The following GPC5 variants were observed in gnomAD, a reference collection of about 807,000 sequenced individuals.
The protein encoded by GPC5 is glypican-5.
GPC5 carries 47 observed loss-of-function variants against 53.9 expected under a neutral mutation model. The observed-to-expected ratio is 0.87, with a 90% CI of 0.69 to 1.11. The LOEUF (loss-of-function observed/expected upper bound fraction) is 1.11, where lower values mean the gene tolerates loss of function less well. Ranked by LOEUF, GPC5 falls within the 50% of genes most tolerant of loss-of-function variation. The probability of loss-of-function intolerance (pLI) is 0.00; values close to 1 mark genes in which losing one functional copy is unlikely to be tolerated. For synonymous variants in GPC5, 286 were observed against 263.3 expected (o/e 1.09, Z -0.84); for missense variants, 748 against 713.1 (o/e 1.05, Z -0.56).
intron 7 of GPC5, among the ~76,000 whole-genome samples, chr13:92,150,850 C>T (rs557562178): frequency 6.8e-6 from 1 of 148,142 alleles, no homozygotes; most frequent in African/African-American, 2.5e-5. Flanking sequence ...CTTTTTTGAA[C>T]AACACAATGC....
chr13:91,996,977 T>C (rs1275135193), intron 6 of GPC5, among the ~76,000 whole-genome samples: 1 of 152,054 alleles, frequency 6.6e-6, no homozygotes. Context: ...AACATTATTG[T>C]AAGTATCTTA....
chr13:91,561,029 C>T (rs1287431253), intron 2 of GPC5, among the ~76,000 whole-genome samples: 1 of 152,042 alleles, frequency 6.6e-6, no homozygotes, highest in Non-Finnish European at 1.5e-5. Context: ...TAGGAAATAC[C>T]CAGTGCTTTT....
chr13:92,657,253 T>G (rs912678127), intron 7 of GPC5, among the ~76,000 whole-genome samples: 2 of 152,032 alleles, frequency 1.3e-5, no homozygotes, highest in African/African-American at 4.8e-5. Flanking sequence ...TATATTTAAA[T>G]AAAAAGAAAA....
intron 5 of GPC5, among the ~76,000 whole-genome samples, chr13:91,848,974 A>G (rs758703696): frequency 6.6e-6 from 1 of 152,166 alleles, no homozygotes; most frequent in Non-Finnish European, 1.5e-5. Context: ...CTTGAATCCC[A>G]GAATGCTTAA....
intron 7 of GPC5, among the ~76,000 whole-genome samples, chr13:92,554,676 G>T (rs1882433063): frequency 6.6e-6 from 1 of 150,488 alleles, no homozygotes; most frequent in Admixed American, 6.6e-5. Context: ...TATGAGGAAA[G>T]AGAAAAACTA....
intron 6 of GPC5, among the ~76,000 whole-genome samples, chr13:92,121,382 C>G (rs117195354): frequency 6.6e-6 from 1 of 152,300 alleles, no homozygotes; most frequent in South Asian, 2.1e-4. Context: ...AGAAGTCACA[C>G]AAACAATTGC....
At chr13:92,194,952 T>C (rs1472425156) in intron 7 of GPC5, among the ~76,000 whole-genome samples, 6 of 152,206 alleles carry the variant, frequency 3.9e-5, no homozygotes, top group African/African-American at 1.4e-4. Context: ...GTAATTATCA[T>C]TGGAAATTCT....
At chr13:92,419,742 T>C (rs1002264492) in intron 7 of GPC5, among the ~76,000 whole-genome samples, 2 of 152,128 alleles carry the variant, frequency 1.3e-5, no homozygotes, top group Admixed American at 6.5e-5. Context: ...CACCAATAAC[T>C]CAAAGGGAAA....
chr13:92,468,142 T>TG (rs1443452871), intron 7 of GPC5, among the ~76,000 whole-genome samples: 1 of 151,954 alleles, frequency 6.6e-6, no homozygotes, highest in Non-Finnish European at 1.5e-5. Context: ...GTACAAAACA[T>TG]GGGGGAGAGG....
intron 5 of GPC5, among the ~76,000 whole-genome samples, chr13:91,837,288 C>T (rs1594607286): frequency 6.6e-6 from 1 of 151,834 alleles, no homozygotes; most frequent in Non-Finnish European, 1.5e-5. Context: ...ATCTGATTGC[C>T]TTTCATCTGT....
At chr13:92,753,154 C>T (rs1428509648) in intron 7 of GPC5, among the ~76,000 whole-genome samples, 1 of 152,206 alleles carries the variant, frequency 6.6e-6, no homozygotes, top group Non-Finnish European at 1.5e-5. Context: ...AATGGGCAGA[C>T]TGCCTCCTAA....
intron 2 of GPC5, among the ~76,000 whole-genome samples, chr13:91,526,688 CT>C (rs1390793095): frequency 6.6e-6 from 1 of 152,092 alleles, no homozygotes; most frequent in Non-Finnish European, 1.5e-5. Context: ...TTGCTTGACG[CT>C]TGTATTAGTC....
intron 6 of GPC5, among the ~76,000 whole-genome samples, chr13:91,921,747 A>G (rs1472688354): frequency 6.6e-6 from 1 of 151,316 alleles, no homozygotes; most frequent in East Asian, 1.9e-4. Flanking sequence ...AGAGTTTGAG[A>G]CTAGCCTGGG....
intron 2 of GPC5, among the ~76,000 whole-genome samples, chr13:91,676,135 A>C (rs1301824654): frequency 2.6e-5 from 4 of 152,132 alleles, no homozygotes; most frequent in Non-Finnish European, 4.4e-5. Context: ...CAATGGCACA[A>C]TCTTGGCTCA....
chr13:91,723,516 A>G (rs1008821733), intron 3 of GPC5, among the ~76,000 whole-genome samples: 2 of 151,604 alleles, frequency 1.3e-5, no homozygotes, highest in Admixed American at 6.6e-5. Context: ...AATTTGTTCT[A>G]CCTTCTAACT....
intron 7 of GPC5, among the ~76,000 whole-genome samples, chr13:92,760,488 T>G (rs1230996613): frequency 2.0e-5 from 3 of 152,076 alleles, no homozygotes; most frequent in Admixed American, 6.6e-5. Flanking sequence ...TCTCTTATGA[T>G]CCTTTCTTTT....
intron 7 of GPC5, among the ~76,000 whole-genome samples, chr13:92,359,497 C>A (rs2043548599): frequency 6.6e-6 from 1 of 151,660 alleles, no homozygotes; most frequent in Non-Finnish European, 1.5e-5. Context: ...TTTCAGATGT[C>A]TTTATAGAAA....
chr13:91,746,193 T>C lies in GPC5; in HGVS notation c.1155-10102T>C, dbSNP rs564298951. 2.0e-5 allele frequency among the ~76,000 whole-genome samples: 3 copies of C among 152,308 alleles called. No homozygotes were observed. In the South Asian group the frequency reaches 6.2e-4, roughly 32 times the overall value. ...ATCTCTACAGGGTTGAGCCTGCTCA[T>C]TAGTGCCACATTAACCTTCACGTTG... On this transcript the variant is annotated intron_variant, in intron 4 of 7. Coordinates refer to ENST00000377067, the MANE Select transcript of GPC5 (RefSeq NM_004466.6).
chr13:92,232,588 T>A (rs2139102916), intron 7 of GPC5, among the ~76,000 whole-genome samples: 1 of 152,352 alleles, frequency 6.6e-6, no homozygotes, highest in African/African-American at 2.4e-5. Context: ...GAAATTGTTT[T>A]AAATTCTATG....
Sources: gnomAD v4.1 joint callset for allele counts (sites outside exome capture counted in the v4.1 genomes callset) on GRCh38, gnomAD v4.1.1 for gene constraint, MANE v1.5 for transcripts, NCBI Gene and HGNC (gene_info 2026-07-23, HGNC 2026-07-21) for gene names.